The following PSD3 variants were observed in gnomAD, a reference collection of about 807,000 sequenced individuals.
PSD3 encodes pleckstrin and Sec7 domain containing 3.
PSD3 carries 49 observed loss-of-function variants against 105.5 expected under a neutral mutation model. The ratio of observed to expected loss-of-function variants is 0.46; its 90% confidence interval spans 0.37 to 0.59. The LOEUF is 0.59. Ranked by LOEUF, PSD3 falls within the 20% of genes least tolerant of loss-of-function variation. The pLI is 0.00. For synonymous variants in PSD3, 557 were observed against 457.8 expected (o/e 1.22, Z -2.77); for missense variants, 1,561 against 1,263.8 (o/e 1.24, Z -3.57).
chr8:18,649,007 T>G (rs751911407), intron 10 of PSD3, among the ~76,000 whole-genome samples: 3 of 152,206 alleles, frequency 2.0e-5, no homozygotes, highest in Non-Finnish European at 4.4e-5. Context: ...CAGGCAGACA[T>G]CTGCGGCAGG....
intron 9 of PSD3, among the ~76,000 whole-genome samples, chr8:18,699,842 A>G (rs1801471536): frequency 6.6e-6 from 1 of 152,020 alleles, no homozygotes; most frequent in Non-Finnish European, 1.5e-5. Flanking sequence ...CACACATTGT[A>G]CAAACAATAA....
At chr8:18,598,907 G>A (rs1804235217) in intron 12 of PSD3, among the ~76,000 whole-genome samples, 2 of 151,916 alleles carry the variant, frequency 1.3e-5, no homozygotes, top group African/African-American at 4.8e-5. Flanking sequence ...ACAAATAAAT[G>A]AAAAGACATT....
At chr8:19,008,756 A>G (rs1334371853) in intron 1 of PSD3, among the ~76,000 whole-genome samples, 2 of 152,140 alleles carry the variant, frequency 1.3e-5, no homozygotes, top group Admixed American at 6.5e-5. Flanking sequence ...TCTATAATTC[A>G]CTTTTTCTTA....
At position 18,978,003 on chromosome 8, in the gene PSD3, T is replaced by G. The variant is rs369024667; in HGVS notation, c.21+35560A>C. 1.5e-4 allele frequency among the ~76,000 whole-genome samples: 23 copies of G among 152,266 alleles called. No homozygotes were observed. In the East Asian group the frequency reaches 3.3e-3, roughly 22 times the overall value. ...ACATGATTTACTGAGAACCCATACG[T>G]TCGATATCATGACGCTAGCAAGGAA... On this transcript the variant is annotated intron_variant, in intron 1 of 15. Transcript: ENST00000327040.
At chr8:18,740,377 A>C (rs886840134) in intron 9 of PSD3, among the ~76,000 whole-genome samples, 2 of 152,180 alleles carry the variant, frequency 1.3e-5, no homozygotes, top group Non-Finnish European at 2.9e-5. Context: ...CAATTCTGAC[A>C]GCTTGCAGTG....
intron 1 of PSD3, among the ~76,000 whole-genome samples, chr8:18,938,576 T>C (rs923044717): frequency 1.4e-5 from 2 of 140,320 alleles, no homozygotes; most frequent in Admixed American, 7.8e-5. Context: ...TGAACCGCGA[T>C]GGCGCTATTG....
intron 9 of PSD3, among the ~76,000 whole-genome samples, chr8:18,737,169 G>GT (rs1563211353): frequency 6.6e-6 from 1 of 152,152 alleles, no homozygotes; most frequent in Admixed American, 6.5e-5. Context: ...TTGCTGGTTT[G>GT]TTTTCTTTAG....
At chr8:18,817,725 A>G (rs1812330331) in intron 4 of PSD3, among the ~76,000 whole-genome samples, 1 of 152,204 alleles carries the variant, frequency 6.6e-6, no homozygotes, top group Non-Finnish European at 1.5e-5. Flanking sequence ...TACGGAATCT[A>G]GAGACTCTGA....
chr8:18,730,507 G>C (rs564860118), intron 9 of PSD3, among the ~76,000 whole-genome samples: 1 of 152,252 alleles, frequency 6.6e-6, no homozygotes, highest in Non-Finnish European at 1.5e-5. Flanking sequence ...CTTTAACGAA[G>C]TTGACCCTTA....
chr8:18,539,198 G>T (rs1218067734), intron 15 of PSD3, among the ~76,000 whole-genome samples: 1 of 152,184 alleles, frequency 6.6e-6, no homozygotes, highest in Admixed American at 6.5e-5. Context: ...TAGGATTACA[G>T]ACTCAACCAC....
At chr8:18,957,252 T>A (rs1273916647) in intron 1 of PSD3, among the ~76,000 whole-genome samples, 2 of 151,720 alleles carry the variant, frequency 1.3e-5, no homozygotes, top group Non-Finnish European at 2.9e-5. Flanking sequence ...GCGCCTGTAG[T>A]CCCAGCTACT....
chr8:18,946,691 G>C (rs542841376), intron 1 of PSD3, among the ~76,000 whole-genome samples: 48 of 152,106 alleles, frequency 3.2e-4, no homozygotes, highest in Non-Finnish European at 2.9e-5. Flanking sequence ...CCTGAGGTCA[G>C]GAGTTCAAGA....
chr8:18,660,980 C>T (rs537301979), intron 9 of PSD3, among the ~76,000 whole-genome samples: 1 of 152,318 alleles, frequency 6.6e-6, no homozygotes, highest in Admixed American at 6.5e-5. Flanking sequence ...CTTTTGGTTG[C>T]TTCTCAGAGA....
chr8:18,892,322 C>T (rs1263586389), intron 2 of PSD3, among the ~76,000 whole-genome samples: 2 of 151,546 alleles, frequency 1.3e-5, no homozygotes, highest in South Asian at 2.1e-4. Flanking sequence ...CTCCTGGGTT[C>T]ATGCCATTCT....
At chr8:18,944,525 T>C (rs931927615) in intron 1 of PSD3, among the ~76,000 whole-genome samples, 2 of 151,834 alleles carry the variant, frequency 1.3e-5, no homozygotes, top group Non-Finnish European at 2.9e-5. Context: ...GAGCCAAGAT[T>C]GAGCCACTGC....
intron 1 of PSD3, among the ~76,000 whole-genome samples, chr8:18,953,332 G>T (rs1048772254): frequency 2.7e-5 from 4 of 147,898 alleles, no homozygotes; most frequent in Non-Finnish European, 6.0e-5. Context: ...GTGTGTGTGT[G>T]TATGTACATA....
At chr8:18,647,987 C>A (rs887460622) in intron 10 of PSD3, among the ~76,000 whole-genome samples, 3 of 152,196 alleles carry the variant, frequency 2.0e-5, no homozygotes, top group Non-Finnish European at 4.4e-5. Context: ...CAGATGCCAG[C>A]ACCACGCTTC....
At chr8:19,084,551 C>G (rs958627541) in exon 1 of PSD3, 1 of 385,970 alleles carries the variant, frequency 2.6e-6, no homozygotes, top group African/African-American at 2.1e-5. Flanking sequence ...GGCTAGGAAG[C>G]CTCCATGCCA....
chr8:18,651,903 G>T (rs929015109), intron 10 of PSD3, among the ~76,000 whole-genome samples: 2 of 152,162 alleles, frequency 1.3e-5, no homozygotes, highest in Non-Finnish European at 2.9e-5. Context: ...AAGTTTTACA[G>T]CACATAGGAA....
Sources: gnomAD v4.1 joint callset for allele counts (sites outside exome capture counted in the v4.1 genomes callset) on GRCh38, gnomAD v4.1.1 for gene constraint, MANE v1.5 for transcripts, NCBI Gene and HGNC (gene_info 2026-07-23, HGNC 2026-07-21) for gene names.